The following GMNC variants were observed in gnomAD, a reference collection of about 807,000 sequenced individuals.
GMNC encodes geminin coiled-coil domain containing.
In GMNC, 16 loss-of-function variants were observed where a neutral mutation model predicts 33.6. That is an observed-to-expected ratio of 0.48 (90% CI 0.32 to 0.72). GMNC has a LOEUF of 0.72. GMNC is among the 30% of genes least tolerant of loss of function. The pLI is 0.03. For synonymous variants in GMNC, 156 were observed against 147.3 expected (o/e 1.06, Z -0.43); for missense variants, 393 against 388.9 (o/e 1.01, Z -0.09).
the GMNC span, among the ~76,000 whole-genome samples, chr3:190,847,177 C>T: frequency 1.3e-5 from 2 of 152,176 alleles, no homozygotes; most frequent in East Asian, 3.8e-4. Flanking sequence ...TTTTTTCCTA[C>T]ATATTGTGGA....
At chr3:190,852,567 C>G (rs561960306), downstream of GMNC, among the ~76,000 whole-genome samples, 19 of 151,922 alleles carry the variant, frequency 1.3e-4, no homozygotes, top group Non-Finnish European at 2.8e-4. Flanking sequence ...AGTAGTGTAC[C>G]CAGAAGGCAC....
downstream of GMNC, among the ~76,000 whole-genome samples, chr3:190,847,795 G>T (rs1737575234): frequency 6.6e-6 from 1 of 152,132 alleles, no homozygotes; most frequent in African/African-American, 2.4e-5. Context: ...GGTTAGGATA[G>T]GCTCTTTTCT....
In GMNC at chr3:190,860,666, C is replaced by A. The variant is rs1220542899; in HGVS notation, c.178+18G>T. On this transcript the variant is annotated intron_variant, in intron 2 of 4. Transcript: ENST00000442080. Reference sequence around the variant, plus strand: ...AAGAGCTCCAGATCTATCAGGGAAGCAGAAGAGCAGAACTTACCCTGTGCC... The same window carrying A: ...AAGAGCTCCAGATCTATCAGGGAAGAAGAAGAGCAGAACTTACCCTGTGCC... The A allele has an allele frequency of 6.5e-7, 1 of 1,535,674 alleles. No individual in the cohort carries two copies. Among genetic ancestry groups the A allele is most frequent in the Non-Finnish European group, 8.8e-7 (1 of 1,137,096 alleles).
At position 190,858,999 on chromosome 3, in the gene GMNC, T is replaced by C. The variant is rs1309289136; in HGVS notation, c.196A>G (p.Asn66Asp). 2 of 1,547,212 alleles carry C rather than the reference T, an allele frequency of 1.3e-6. No individual in the cohort carries two copies. Among genetic ancestry groups the C allele is most frequent in the South Asian group, 1.2e-5 (1 of 83,950 alleles). ...PQAQESFSDSNFPLPDLCSWE... is the reference protein window; with the variant it reads ...PQAQESFSDSDFPLPDLCSWE... ...GAGCACAAGTCCGGAAGAGGAAAAT[T>C]TGAGTCACTGAATGATTCTGTGAAA... Residue 66 changes from asparagine to aspartate, a missense_variant, in exon 3 of 5, where the codon AAT becomes GAT. Transcript: ENST00000442080.
At chr3:190,856,474 A>AGTAAATATTC (rs1737749121) in intron 4 of GMNC, among the ~76,000 whole-genome samples, 1 of 124,254 alleles carries the variant, frequency 8.0e-6, no homozygotes, top group African/African-American at 3.4e-5. Flanking sequence ...AATATTTATA[A>AGTAAATATTC]ATAAATATAA....
chr3:190,855,637 G>A lies in GMNC; in HGVS notation c.663C>T (p.Ser221=), dbSNP rs1219678821. ...CATCATCCGGAAACTGGGAAAATGT[G>A]CTGGCGACTCTTCTGGGATGAGATG... ...ALASHPRRVA[S]TFSQFPDDAV... is the part of the protein sequence containing the mutation. The change falls in exon 5 of 5, where the codon AGC becomes AGT. Residue 221 remains serine (S), a synonymous_variant. Coordinates refer to ENST00000442080, the MANE Select transcript of GMNC (RefSeq NM_001146686.3). The A allele has an allele frequency of 7.1e-6, 11 of 1,551,580 alleles. No individual in the cohort carries two copies. Among genetic ancestry groups the A allele is most frequent in the Non-Finnish European group, 9.6e-6 (11 of 1,146,908 alleles).
At chr3:190,846,328 C>T in the GMNC span, among the ~76,000 whole-genome samples, 1 of 151,990 alleles carries the variant, frequency 6.6e-6, no homozygotes, top group Non-Finnish European at 1.5e-5. Flanking sequence ...TCACAAATAG[C>T]CATACCATGC....
chr3:190,855,329 C>T lies in GMNC; in HGVS notation c.971G>A (p.Gly324Asp). The change falls in exon 5 of 5, where the codon GGC becomes GAC. Residue 324 changes from glycine to aspartate, a missense_variant. By Grantham distance (94) the Gly-to-Asp change is moderately conservative (BLOSUM62 -1). Transcript: ENST00000442080. Reference protein sequence around the residue: ...QAFVRRDEEGGWKFTWVPKQS With the variant: ...QAFVRRDEEGDWKFTWVPKQS ...CTTAGGGACCCAGGTAAACTTCCAGCCTCCCTCCTCATCTCGACGCACAAA... is the reference window on the plus strand; with the variant it reads ...CTTAGGGACCCAGGTAAACTTCCAGTCTCCCTCCTCATCTCGACGCACAAA... The T allele has an allele frequency of 6.4e-7, 1 of 1,551,566 alleles. No individual in the cohort carries two copies. The highest frequency in any genetic ancestry group is 1.2e-5 in the South Asian group (1 of 84,058).
rs1292244811 is a variant in GMNC, at chr3:190,862,395, G to A, written c.3+218C>T. Among the ~76,000 whole-genome samples the A allele has an allele frequency of 4.1e-5, 6 of 146,946 alleles. No individual in the cohort carries two copies. Among genetic ancestry groups the A allele is most frequent in the Non-Finnish European group, 9.1e-5 (6 of 66,064 alleles). ...GAGAGGGCGAGAGAGAGAAAGGAGA[G>A]AAAGAAGAGGGAGAGAGGGAGAGAA... On this transcript the variant is annotated intron_variant, in intron 1 of 4. Transcript: ENST00000442080. The surrounding 1 kb of genome is among the most constrained non-coding windows in gnomAD (Gnocchi z 4.5).
intron 4 of GMNC, 34 bp downstream of exon 4, chr3:190,857,749 G>A (rs756270821): frequency 2.5e-5 from 26 of 1,049,706 alleles, no homozygotes; most frequent in Non-Finnish European, 3.6e-5. Flanking sequence ...TCACTGCTTT[G>A]TTCTTATAAA....
Position 190,855,842 on chromosome 3 carries a change from T to C in GMNC, c.458A>G (p.Gln153Arg). 1 of 1,551,266 alleles carries C rather than the reference T, an allele frequency of 6.4e-7. No homozygotes were observed. Among genetic ancestry groups the C allele is most frequent in the Non-Finnish European group, 8.7e-7 (1 of 1,146,630 alleles). Residue 153 changes from glutamine (Q) to arginine (R), a missense_variant, in exon 5 of 5, where the codon CAA becomes CGA. By Grantham distance (43) the Gln-to-Arg change is conservative. Coordinates refer to ENST00000442080, the MANE Select transcript of GMNC (RefSeq NM_001146686.3). ...GGGAATCTCAGCAGGAGAGTATCTTTGCTCTTTGGATTTTCTCTTCCCCTT... is the reference window on the plus strand; with the variant it reads ...GGGAATCTCAGCAGGAGAGTATCTTCGCTCTTTGGATTTTCTCTTCCCCTT... The part of the protein sequence containing the change: ...FRKGKRKSKE[Q>R]RYSPAEIPHP...
intron 4 of GMNC, 55 bp from the exon 5 acceptor site, chr3:190,855,970 A>T (rs1737724967): frequency 2.2e-6 from 3 of 1,342,840 alleles, no homozygotes; most frequent in Non-Finnish European, 3.0e-6. Context: ...CTAGTTAACT[A>T]AATTATTTCG....
chr3:190,857,285 G>T (rs1737766352), intron 4 of GMNC, among the ~76,000 whole-genome samples: 1 of 151,816 alleles, frequency 6.6e-6, no homozygotes, highest in South Asian at 2.1e-4. Flanking sequence ...AATATAATTT[G>T]TAAATGCCAA....
chr3:190,845,507 C>CTT, the GMNC span, among the ~76,000 whole-genome samples: 1,071 of 134,584 alleles, frequency 8.0e-3, 20 homozygotes, highest in African/African-American at 0.032. Context: ...TATTTTGAAA[C>CTT]CTTTTTTTTT....
chr3:190,859,202 A>G lies in GMNC; in HGVS notation c.179-186T>C, dbSNP rs908625922. On this transcript the variant is annotated intron_variant, in intron 2 of 4. Coordinates refer to ENST00000442080, the MANE Select transcript of GMNC (RefSeq NM_001146686.3). ...AAGGCAAGCAAGCTGTGAGAGACAA[A>G]TATTTATATGCTGTATGACATAGCA... Among the ~76,000 whole-genome samples, 3 of 152,346 alleles carry G rather than the reference A, an allele frequency of 2.0e-5. No individual in the cohort carries two copies. The East Asian group carries it at 5.8e-4, about 29-fold the overall frequency.
chr3:190,859,432 A>T (rs1001049529), intron 2 of GMNC, among the ~76,000 whole-genome samples: 1 of 152,132 alleles, frequency 6.6e-6, no homozygotes, highest in Non-Finnish European at 1.5e-5. Flanking sequence ...GCACTTGATA[A>T]TGTACTGTTT....
At position 190,861,455 on chromosome 3, in the gene GMNC, CATCTATCTATCTATCTATCT is replaced by C. The variant is rs11378580; in HGVS notation, c.4-617_4-598del. ...TCTGTCTGTCTGTCTGTCTGCCTAT[CATCTATCTATCTATCTATCT>C]ATCTATCTATCTATCTATCTATCTA... On this transcript the variant is annotated intron_variant, in intron 1 of 4. Coordinates refer to ENST00000442080, the MANE Select transcript of GMNC (RefSeq NM_001146686.3). The surrounding 1 kb of genome is among the most constrained non-coding windows in gnomAD (Gnocchi z 5.1). Among the ~76,000 whole-genome samples the C allele has an allele frequency of 4.2e-4, 62 of 146,006 alleles. 1 individual carries two copies. The East Asian group carries it at 7.8e-3, about 18-fold the overall frequency.
chr3:190,860,727 A>G lies in GMNC; in HGVS notation c.135T>C (p.Gly45=). ...GTTGGAGCTCTCTGTTGTCCAGGAGACCAGCAGCCCAGAAAGAGACCCAAG... is the reference window on the plus strand; with the variant it reads ...GTTGGAGCTCTCTGTTGTCCAGGAGGCCAGCAGCCCAGAAAGAGACCCAAG... ...TETWVSFWAA[G]LLDNRELQQA... Residue 45 remains glycine, a synonymous_variant, in exon 2 of 5, where the codon GGT becomes GGC. Coordinates refer to ENST00000442080, the MANE Select transcript of GMNC (RefSeq NM_001146686.3). 6.4e-7 allele frequency: 1 copy of G among 1,551,470 alleles called. No homozygotes were observed. Among genetic ancestry groups the G allele is most frequent in the South Asian group, 1.2e-5 (1 of 84,036 alleles).
At position 190,855,513 on chromosome 3, in the gene GMNC, A is replaced by G; in HGVS notation, c.787T>C (p.Phe263Leu). The G allele has an allele frequency of 3.9e-6, 6 of 1,551,726 alleles. No individual in the cohort carries two copies. The highest frequency in any genetic ancestry group is 5.2e-6 in the Non-Finnish European group (6 of 1,146,970). The change falls in exon 5 of 5, where the codon TTC (phenylalanine) becomes CTC (leucine). Residue 263 changes from phenylalanine to leucine, a missense_variant. Phe to Leu is a conservative substitution (Grantham distance 22, BLOSUM62 0). Transcript: ENST00000442080. Reference protein sequence around the residue: ...LHSTATHGEDFHILSQLSNPP... With the variant: ...LHSTATHGEDLHILSQLSNPP... ...TTTGAAAGTTGAGAAAGGATGTGGA[A>G]ATCTTCTCCATGAGTGGCAGTGCTG...
Sources: gnomAD v4.1 joint callset for allele counts (sites outside exome capture counted in the v4.1 genomes callset) on GRCh38, gnomAD v4.1.1 for gene constraint, Gnocchi (gnomAD v3.1) non-coding constraint, MANE v1.5 for transcripts, NCBI Gene and HGNC (gene_info 2026-07-23, HGNC 2026-07-21) for gene names.